EPHA3: variants seen among roughly 807,000 people sequenced by gnomAD.
EPHA3 encodes the protein ephrin type-A receptor 3.
A neutral mutation model predicts 107.1 loss-of-function variants in EPHA3; 42 were observed. The ratio of observed to expected loss-of-function variants is 0.39; its 90% CI spans 0.31 to 0.51. The LOEUF (loss-of-function observed/expected upper bound fraction) is 0.51, where lower values mean the gene tolerates loss of function less well. Among genes scored for constraint, EPHA3 ranks in the 20% least tolerant of loss-of-function variants. The probability of loss-of-function intolerance (pLI) is 0.78; values close to 1 mark genes in which losing one functional copy is unlikely to be tolerated. For synonymous variants in EPHA3, 461 were observed against 424.8 expected (o/e 1.09, Z -1.05); for missense variants, 1,183 against 1,211.2 (o/e 0.98, Z 0.35).
chr3:89,121,627 C>T (rs1707388906), intron 1 of EPHA3, among the ~76,000 whole-genome samples: 3 of 151,928 alleles, frequency 2.0e-5, no homozygotes, highest in African/African-American at 7.2e-5. Flanking sequence ...TGTGGTGGCA[C>T]ACGCCTGTAG....
chr3:89,402,997 C>T (rs1416984984), intron 7 of EPHA3, among the ~76,000 whole-genome samples: 1 of 152,066 alleles, frequency 6.6e-6, no homozygotes, highest in African/African-American at 2.4e-5. Context: ...TTTGTAATTA[C>T]ATAAGAATGT....
At chr3:89,335,257 G>T (rs1223362109) in intron 3 of EPHA3, among the ~76,000 whole-genome samples, 1 of 152,080 alleles carries the variant, frequency 6.6e-6, no homozygotes, top group East Asian at 1.9e-4. Context: ...CTTATTTCCG[G>T]GTTCATAGGT....
intron 2 of EPHA3, among the ~76,000 whole-genome samples, chr3:89,129,735 C>A (rs1230355566): frequency 1.3e-5 from 2 of 150,616 alleles, no homozygotes; most frequent in East Asian, 3.9e-4. Flanking sequence ...ATTGTTATTG[C>A]TCTCATTTTT....
chr3:89,319,664 T>G (rs1706995787), intron 3 of EPHA3, among the ~76,000 whole-genome samples: 1 of 151,906 alleles, frequency 6.6e-6, no homozygotes, highest in African/African-American at 2.4e-5. Context: ...ATGGCTCAAT[T>G]TATTCTGTCA....
chr3:89,346,483 A>G lies in EPHA3; in HGVS notation c.1306+4393A>G, dbSNP rs372626406. On this transcript the variant is annotated intron_variant, in intron 5 of 16. Coordinates refer to ENST00000336596, the MANE Select transcript of EPHA3 (RefSeq NM_005233.6). ...TGGGGTTGTTTGTTTTTTTCTTGTA[A>G]ATTTGTTTGGGTTCATTGTAGATTC... Among the ~76,000 whole-genome samples, 47 of 141,032 alleles carry G rather than the reference A, an allele frequency of 3.3e-4. No homozygotes were observed. In the East Asian group the frequency reaches 5.0e-3, roughly 15 times the overall value. The allele number at this position is 141,032 out of a possible 152,430, so 92.5% of individuals were successfully genotyped here.
intron 3 of EPHA3, among the ~76,000 whole-genome samples, chr3:89,232,098 C>T (rs1704649434): frequency 6.6e-6 from 1 of 152,050 alleles, no homozygotes; most frequent in Admixed American, 6.6e-5. Context: ...GCCCTTTCTG[C>T]TTGTGCCAAG....
chr3:89,119,569 T>A (rs188744310), intron 1 of EPHA3, among the ~76,000 whole-genome samples: 1 of 152,246 alleles, frequency 6.6e-6, no homozygotes, highest in East Asian at 1.9e-4. Context: ...TGCCTGTGTT[T>A]GTAGATGTCC....
intron 5 of EPHA3, among the ~76,000 whole-genome samples, chr3:89,351,212 C>T (rs557854209): frequency 0.015 from 2,264 of 151,354 alleles, 56 homozygotes; most frequent in African/African-American, 0.052. Flanking sequence ...GCCCCTCCCC[C>T]AGCCTCGCTG....
chr3:89,318,681 T>C (rs1471628818), intron 3 of EPHA3, among the ~76,000 whole-genome samples: 1 of 151,902 alleles, frequency 6.6e-6, no homozygotes, highest in Non-Finnish European at 1.5e-5. Context: ...AGAAACCTAA[T>C]TGTAGAACTT....
At chr3:89,168,375 A>G (rs1367079651) in intron 2 of EPHA3, among the ~76,000 whole-genome samples, 2 of 152,140 alleles carry the variant, frequency 1.3e-5, no homozygotes, top group African/African-American at 4.8e-5. Context: ...AGTTTATGTT[A>G]TTTTTTGTGA....
chr3:89,365,171 G>C (rs1404387898), intron 5 of EPHA3, among the ~76,000 whole-genome samples: 2 of 150,792 alleles, frequency 1.3e-5, no homozygotes, highest in Non-Finnish European at 3.0e-5. Flanking sequence ...TTGAAGAGGT[G>C]GGGTTTGAGG....
rs866517649 is a variant in EPHA3 at position 89,422,136 on chromosome 3, G to A, written c.2074+2746G>A. ...TTTATAAGCTCTTAGTCTGGCACCC[G>A]GTAACATCTGAGAGGAAATAGAAAC... On this transcript the variant is annotated intron_variant, in intron 11 of 16. Transcript: ENST00000336596. 1.1e-4 allele frequency among the ~76,000 whole-genome samples: 17 copies of A among 149,900 alleles called. No individual in the cohort carries two copies. In the East Asian group the frequency reaches 1.8e-3, roughly 16 times the overall value.
chr3:89,453,418 T>C (rs1423823372), intron 15 of EPHA3, among the ~76,000 whole-genome samples: 2 of 152,142 alleles, frequency 1.3e-5, no homozygotes, highest in Non-Finnish European at 1.5e-5. Flanking sequence ...TATTGAAATA[T>C]ATCAAATACT....
chr3:89,152,114 T>C (rs1420047451), intron 2 of EPHA3, among the ~76,000 whole-genome samples: 2 of 152,102 alleles, frequency 1.3e-5, no homozygotes, highest in African/African-American at 4.8e-5. Flanking sequence ...GACGCATATT[T>C]TAATTCATTT....
intron 2 of EPHA3, among the ~76,000 whole-genome samples, chr3:89,174,262 G>C (rs1344143921): frequency 6.6e-6 from 1 of 152,100 alleles, no homozygotes; most frequent in East Asian, 1.9e-4. Flanking sequence ...ATAGTCTCAT[G>C]TATTTGCATA....
At chr3:89,474,947 C>G (rs547701833) in intron 16 of EPHA3, among the ~76,000 whole-genome samples, 1 of 152,132 alleles carries the variant, frequency 6.6e-6, no homozygotes, top group African/African-American at 2.4e-5. Context: ...GTTTGTCCTG[C>G]ACACTGAGTC....
chr3:89,351,010 C>A (rs1203100373), intron 5 of EPHA3, among the ~76,000 whole-genome samples: 1 of 151,392 alleles, frequency 6.6e-6, no homozygotes, highest in African/African-American at 2.4e-5. Context: ...AGAACCACTG[C>A]TCTCTTCAAA....
intron 3 of EPHA3, among the ~76,000 whole-genome samples, chr3:89,298,517 G>A (rs1166703433): frequency 6.6e-6 from 1 of 152,110 alleles, no homozygotes; most frequent in African/African-American, 2.4e-5. Context: ...CTTGAAAACT[G>A]TTGTTTTAGA....
intron 15 of EPHA3, among the ~76,000 whole-genome samples, chr3:89,459,537 TCTTC>T (rs1710176916): frequency 6.8e-6 from 1 of 146,260 alleles, no homozygotes; most frequent in Non-Finnish European, 1.5e-5. Context: ...TTCCTTCCTT[TCTTC>T]CTTTCTTTCT....
Sources: allele counts gnomAD v4.1 joint callset (sites outside exome capture counted in the v4.1 genomes callset), GRCh38; gene constraint gnomAD v4.1.1; transcripts MANE v1.5; gene names NCBI Gene and HGNC (gene_info 2026-07-23, HGNC 2026-07-21).